Variants in TRIM68 observed in about 807,000 individuals in gnomAD.
TRIM68 encodes tripartite motif containing 68.
In TRIM68, 36 loss-of-function variants were observed where a neutral mutation model predicts 41.9. That is an observed-to-expected ratio of 0.86 (90% CI 0.66 to 1.14). The LOEUF is 1.14. Ranked by LOEUF, TRIM68 falls within the 50% of genes most tolerant of loss-of-function variation. The probability of loss-of-function intolerance (pLI) is 0.00; values close to 1 mark genes in which losing one functional copy is unlikely to be tolerated. For synonymous variants in TRIM68, 225 were observed against 224.6 expected (o/e 1.00, Z -0.02); for missense variants, 632 against 605.1 (o/e 1.04, Z -0.47).
chr11:4,601,537 C>T (rs1335421969), intron 5 of TRIM68, 127 bp downstream of exon 5: 36 of 957,968 alleles, frequency 3.8e-5, no homozygotes, highest in Admixed American at 3.5e-4. Flanking sequence ...GTAAGTGGGA[C>T]GAGACTGTGG....
intron 1 of TRIM68, 146 bp from the exon 2 acceptor site, chr11:4,605,707 A>T (rs549289332): frequency 8.3e-6 from 5 of 601,544 alleles, no homozygotes; most frequent in Non-Finnish European, 1.4e-5. Context: ...GGCCTTTCCA[A>T]CTGAAGGGTG....
At position 4,599,993 on chromosome 11, in the gene TRIM68, T is replaced by G. The variant is rs1846455121; in HGVS notation, c.*283A>C. ...TACTACATGGACAAAGTCCTGATCC[T>G]TACCCCAACGAGTCACCTTAGAACT... On this transcript the variant is annotated 3_prime_UTR_variant, in exon 7 of 7. Coordinates refer to ENST00000300747, the MANE Select transcript of TRIM68 (RefSeq NM_018073.8). 1 of 323,908 alleles carries G rather than the reference T, an allele frequency of 3.1e-6. No individual in the cohort carries two copies. The highest frequency in any genetic ancestry group is 5.7e-6 in the Non-Finnish European group (1 of 176,318). 20.1% of individuals were successfully genotyped at this position (323,908 alleles called of 1,614,324 possible). A position where few individuals can be genotyped will look rare whatever the true frequency, so the allele number is the denominator to read the frequency against.
chr11:4,606,273 C>G (rs74052462), intron 1 of TRIM68, among the ~76,000 whole-genome samples: 7,457 of 152,312 alleles, frequency 0.049, 192 homozygotes, highest in Non-Finnish European at 0.061. Context: ...GATCATCACA[C>G]CCATATTGAT....
intron 1 of TRIM68, among the ~76,000 whole-genome samples, chr11:4,605,956 A>T (rs184100686): frequency 6.6e-6 from 1 of 152,240 alleles, no homozygotes; most frequent in East Asian, 1.9e-4. Context: ...GGCCATAAAT[A>T]CCTCCAGCCT....
rs1262117744 is a variant in TRIM68, at chr11:4,599,526, G to A, written c.*750C>T. ...AAAAAGAAATAACTTGCTCCCTTAA[G>A]GCCATTTCAGTTTCCTCATTCATAA... is the stretch of plus-strand genomic sequence containing the variant. On this transcript the variant is annotated 3_prime_UTR_variant, in exon 7 of 7. Transcript: ENST00000300747. 3 of 152,120 alleles carry A rather than the reference G, an allele frequency of 2.0e-5. No homozygotes were observed. Among genetic ancestry groups the A allele is most frequent in the Non-Finnish European group, 2.9e-5 (2 of 68,036 alleles). The allele number at this position is 152,120 out of a possible 1,614,324, so 9.4% of individuals were successfully genotyped here. A position where few individuals can be genotyped will look rare whatever the true frequency, so the allele number is the denominator to read the frequency against.
chr11:4,603,008 C>T (rs1846516105), intron 3 of TRIM68, among the ~76,000 whole-genome samples: 1 of 152,202 alleles, frequency 6.6e-6, no homozygotes, highest in South Asian at 2.1e-4. Context: ...CTTTTCCTTT[C>T]TCATATAGGA....
chr11:4,603,433 C>T (rs1564865764), intron 2 of TRIM68, 93 bp from the exon 3 acceptor site: 1 of 1,157,140 alleles, frequency 8.6e-7, no homozygotes, highest in East Asian at 2.4e-5. Context: ...CTTCAGGCAA[C>T]CGGCCACAGT....
At chr11:4,607,242 T>C (rs1238131577) in intron 1 of TRIM68, among the ~76,000 whole-genome samples, 5 of 152,224 alleles carry the variant, frequency 3.3e-5, no homozygotes, top group Non-Finnish European at 7.3e-5. Flanking sequence ...CTTCCCATAC[T>C]AGAACTTTTT....
At position 4,601,080 on chromosome 11, in the gene TRIM68, A is replaced by C. The variant is rs758286091; in HGVS notation, c.854T>G (p.Leu285Trp). 1.2e-6 allele frequency: 2 copies of C among 1,614,166 alleles called. No individual in the cohort carries two copies. The highest frequency in any genetic ancestry group is 4.5e-5 in the East Asian group (2 of 44,880). ...CCCCAGCACACGGCAATCTGTCTTCAACTCCAGGGAGATTGGTTCTGGCTG... is the reference window on the plus strand; with the variant it reads ...CCCCAGCACACGGCAATCTGTCTTCCACTCCAGGGAGATTGGTTCTGGCTG... ...LQQPEPISLE[L>W]KTDCRVLGLR... is the part of the protein sequence containing the mutation. The change falls in exon 6 of 7, where the codon TTG (leucine) becomes TGG (tryptophan). Residue 285 changes from leucine to tryptophan, a missense_variant. Coordinates refer to ENST00000300747, the MANE Select transcript of TRIM68 (RefSeq NM_018073.8).
chr11:4,600,908 G>T lies in TRIM68; in HGVS notation c.908-82C>A, dbSNP rs2231973. 8.6e-5 allele frequency: 135 copies of T among 1,572,136 alleles called. No individual in the cohort carries two copies. The African/African-American group carries it at 1.7e-3, about 20-fold the overall frequency. ...GAGCCCTCTGATAAATTCAGCCACA[G>T]ATTTCTCAATGATGAAGGGGTGAGG... is the stretch of plus-strand genomic sequence containing the variant. On this transcript the variant is annotated intron_variant, in intron 6 of 6. Transcript: ENST00000300747.
Position 4,605,088 on chromosome 11 carries a change from C to T in TRIM68, c.417G>A (p.Trp139Ter). The T allele has an allele frequency of 4.3e-6, 7 of 1,613,636 alleles. No homozygotes were observed. The highest frequency in any genetic ancestry group is 5.1e-6 in the Non-Finnish European group (6 of 1,179,630). Residue 139 changes from tryptophan to a stop codon, truncating the protein, a stop_gained, in exon 2 of 7, where the codon TGG (tryptophan) becomes TGA (stop). Transcript: ENST00000300747. LOFTEE classifies it high-confidence loss of function. The stretch of plus-strand genomic sequence containing the variant: ...AGCTTCCATCTCTCACCTTGTACTC[C>T]CAGGCAACATCCTCCATTGGCACAA... Reference protein sequence around the residue: ...HSVVPMEDVAWEYKWELHEAL... With the variant: ...HSVVPMEDVA
In TRIM68 at chr11:4,599,258, A is replaced by C. The variant is rs1846441173; in HGVS notation, c.*1018T>G. On this transcript the variant is annotated 3_prime_UTR_variant, in exon 7 of 7. Coordinates refer to ENST00000300747, the MANE Select transcript of TRIM68 (RefSeq NM_018073.8). Reference sequence around the variant, plus strand: ...ATGCCTCTAATCCCAGCACTGTGGGAGGCTGAGGAGGGCGGATCATGAGGT... The same window carrying C: ...ATGCCTCTAATCCCAGCACTGTGGGCGGCTGAGGAGGGCGGATCATGAGGT... 1 of 152,100 alleles carries C rather than the reference A, an allele frequency of 6.6e-6. No homozygotes were observed. The highest frequency in any genetic ancestry group is 2.4e-5 in the African/African-American group (1 of 41,414). The allele number at this position is 152,100 out of a possible 1,614,324, so 9.4% of individuals were successfully genotyped here.
rs1846502673 is a variant in TRIM68, at chr11:4,602,257, T to C, written c.678A>G (p.Lys226=). ...LQREAAETMQ[K]LELNHSELIQ... ...TGAGCTCGCTATGGTTCAACTCCAG[T>C]TTCTGCATGGTCTCCGCTGCCTCCC... The change falls in exon 4 of 7, where the codon AAA becomes AAG. Residue 226 remains lysine, a synonymous_variant. Transcript: ENST00000300747. The C allele has an allele frequency of 1.2e-6, 2 of 1,614,132 alleles. No homozygotes were observed. Among genetic ancestry groups the C allele is most frequent in the African/African-American group, 2.7e-5 (2 of 75,030 alleles).
Position 4,603,349 on chromosome 11 carries a change from G to C in TRIM68, c.427-9C>G, listed in dbSNP as rs781381690. 22 of 1,613,916 alleles carry C rather than the reference G, an allele frequency of 1.4e-5. No individual in the cohort carries two copies. The highest frequency in any genetic ancestry group is 1.6e-4 in the Middle Eastern group (1 of 6,062). On this transcript the variant is annotated splice_polypyrimidine_tract_variant and intron_variant, in intron 2 of 6. Transcript: ENST00000300747. ...GCCTCATGAAGTTCCCACTGCAAGA[G>C]ACAAAACCCTCATGAGGCCACCTCC... is the stretch of plus-strand genomic sequence containing the variant.
chr11:4,605,600 T>A, intron 1 of TRIM68, 39 bp from the exon 2 acceptor site: 2 of 1,227,856 alleles, frequency 1.6e-6, no homozygotes, highest in Non-Finnish European at 2.2e-6. Flanking sequence ...GAGAAAAAGG[T>A]AACAGAGGAA....
At chr11:4,601,890 T>A in intron 4 of TRIM68, 1 of 771,214 alleles carries the variant, frequency 1.3e-6, no homozygotes, top group Non-Finnish European at 2.1e-6. Flanking sequence ...AGGCTCCATC[T>A]CAAGACTCTC....
intron 5 of TRIM68, 188 bp downstream of exon 5, chr11:4,601,476 G>C (rs1465762707): frequency 1.1e-5 from 7 of 627,816 alleles, no homozygotes; most frequent in African/African-American, 1.8e-5. Context: ...ATTTGATCAA[G>C]TACAAAGAAG....
At position 4,600,669 on chromosome 11, in the gene TRIM68, TGAG is replaced by T; in HGVS notation, c.1062_1064del (p.Ser355del). Reference sequence around the variant, plus strand: ...CCTCCACCTCCCAGTAGTGCCGGCCTGAGGAGATGCACTGGCTTCCCAGGACGA... The same window carrying T: ...CCTCCACCTCCCAGTAGTGCCGGCCTGAGATGCACTGGCTTCCCAGGACGA... On this transcript the variant is annotated inframe_deletion, in exon 7 of 7. Coordinates refer to ENST00000300747, the MANE Select transcript of TRIM68 (RefSeq NM_018073.8). 4 of 1,614,116 alleles carry T rather than the reference TGAG, an allele frequency of 2.5e-6. No homozygotes were observed. Among genetic ancestry groups the T allele is most frequent in the Non-Finnish European group, 3.4e-6 (4 of 1,180,012 alleles).
rs1489323645 is a variant in TRIM68 at position 4,601,147 on chromosome 11, CT to C, written c.807-21del. ...TTGCTCCTGGTAGAGGAGGGTGAAC[CT>C]CAGGGCCAGGAGTCCCGGCTTTGTC... On this transcript the variant is annotated intron_variant, in intron 5 of 6. Transcript: ENST00000300747. The C allele has an allele frequency of 1.2e-6, 2 of 1,602,676 alleles. No homozygotes were observed. The highest frequency in any genetic ancestry group is 2.2e-5 in the South Asian group (2 of 90,826).
Sources: allele counts gnomAD v4.1 joint callset (sites outside exome capture counted in the v4.1 genomes callset), GRCh38; gene constraint gnomAD v4.1.1; transcripts MANE v1.5; gene names NCBI Gene and HGNC (gene_info 2026-07-23, HGNC 2026-07-21).